The following ZMAT4 variants were observed in gnomAD, a reference collection of about 807,000 sequenced individuals.
ZMAT4 encodes zinc finger matrin-type protein 4.
Under a neutral mutation model 28.7 loss-of-function variants are expected in ZMAT4, and 17 were observed. That is an observed-to-expected ratio of 0.59 (90% confidence interval 0.41 to 0.89). ZMAT4 has a LOEUF of 0.89. Among genes scored for constraint, ZMAT4 ranks in the 40% least tolerant of loss-of-function variants. ZMAT4 has a pLI of 0.00. For synonymous variants in ZMAT4, 117 were observed against 109.2 expected (o/e 1.07, Z -0.44); for missense variants, 240 against 283.8 (o/e 0.85, Z 1.11).
At chr8:40,809,543 T>C (rs1359415159) in intron 2 of ZMAT4, among the ~76,000 whole-genome samples, 3 of 152,218 alleles carry the variant, frequency 2.0e-5, no homozygotes, top group Non-Finnish European at 4.4e-5. Flanking sequence ...GATTACAATT[T>C]AGTTAAAAGA....
chr8:40,734,455 G>T (rs981805277), intron 3 of ZMAT4, among the ~76,000 whole-genome samples: 10 of 152,212 alleles, frequency 6.6e-5, no homozygotes, highest in Non-Finnish European at 1.5e-4. Flanking sequence ...TGGAAGATTT[G>T]GGTGTAAATT....
intron 1 of ZMAT4, among the ~76,000 whole-genome samples, chr8:40,867,198 G>T (rs551788654): frequency 6.6e-6 from 1 of 152,166 alleles, no homozygotes; most frequent in Non-Finnish European, 1.5e-5. Flanking sequence ...CACATTGGAA[G>T]AATTGTCTTG....
chr8:40,811,994 G>GGTGGT (rs2150597133), intron 2 of ZMAT4, among the ~76,000 whole-genome samples: 1 of 149,896 alleles, frequency 6.7e-6, no homozygotes, highest in East Asian at 2.2e-4. Context: ...AGCCAGGCGT[G>GGTGGT]GTGGTGCGCA....
chr8:40,716,740 T>C (rs1359849117), intron 3 of ZMAT4, among the ~76,000 whole-genome samples: 3 of 152,144 alleles, frequency 2.0e-5, no homozygotes, highest in Non-Finnish European at 2.9e-5. Context: ...AGGGTCCAAA[T>C]GTCTCGCCCT....
At chr8:40,589,765 T>C (rs1804806092) in intron 5 of ZMAT4, among the ~76,000 whole-genome samples, 1 of 146,488 alleles carries the variant, frequency 6.8e-6, no homozygotes, top group African/African-American at 2.6e-5. Context: ...TCTTTCTTTT[T>C]CTTTCTTTCT....
In ZMAT4 at chr8:40,550,664, C is replaced by T. The variant is rs1020837409; in HGVS notation, c.675-18426G>A. Among the ~76,000 whole-genome samples, 18 of 152,254 alleles carry T rather than the reference C, an allele frequency of 1.2e-4. 1 individual carries two copies. The South Asian group carries it at 1.5e-3, about 12-fold the overall frequency. On this transcript the variant is annotated intron_variant, in intron 6 of 6. Transcript: ENST00000297737. ...ATCTGATGGTTTTATAAGCATCTGGCATTTCCCCTGCTTGGGGTCACTCCA... is the reference window on the plus strand; with the variant it reads ...ATCTGATGGTTTTATAAGCATCTGGTATTTCCCCTGCTTGGGGTCACTCCA...
At chr8:40,560,600 A>G (rs1180621466) in intron 6 of ZMAT4, among the ~76,000 whole-genome samples, 1 of 152,070 alleles carries the variant, frequency 6.6e-6, no homozygotes, top group Non-Finnish European at 1.5e-5. Flanking sequence ...GGCAAAATAA[A>G]GACAGAGAAG....
chr8:40,654,923 A>G (rs932585679), intron 5 of ZMAT4, among the ~76,000 whole-genome samples: 2 of 152,116 alleles, frequency 1.3e-5, no homozygotes, highest in African/African-American at 4.8e-5. Context: ...CTTCTATTCA[A>G]GATTGTGCTG....
intron 2 of ZMAT4, among the ~76,000 whole-genome samples, chr8:40,782,822 T>C (rs1563480966): frequency 6.6e-6 from 1 of 152,202 alleles, no homozygotes; most frequent in African/African-American, 2.4e-5. Context: ...TGGTCATTGG[T>C]AAAATATTCA....
chr8:40,791,054 A>T (rs952806399), intron 2 of ZMAT4, among the ~76,000 whole-genome samples: 1 of 152,272 alleles, frequency 6.6e-6, no homozygotes, highest in Admixed American at 6.5e-5. Context: ...TTCCAATAAA[A>T]GATGCTGAAG....
At chr8:40,760,287 A>G (rs866364440) in intron 3 of ZMAT4, among the ~76,000 whole-genome samples, 1 of 152,024 alleles carries the variant, frequency 6.6e-6, no homozygotes, top group African/African-American at 2.4e-5. Context: ...AGACTTCCAT[A>G]TATGATCAGT....
chr8:40,569,872 C>T (rs969227194), intron 6 of ZMAT4, among the ~76,000 whole-genome samples: 2 of 152,160 alleles, frequency 1.3e-5, no homozygotes, highest in African/African-American at 4.8e-5. Flanking sequence ...ATTTTACAGA[C>T]AACCTTCTGC....
At chr8:40,678,708 A>G (rs1257493774) in intron 4 of ZMAT4, among the ~76,000 whole-genome samples, 1 of 152,180 alleles carries the variant, frequency 6.6e-6, no homozygotes, top group Non-Finnish European at 1.5e-5. Flanking sequence ...CCCATTAGAC[A>G]CTTTTGCATT....
chr8:40,869,066 G>A (rs560338334), intron 1 of ZMAT4, among the ~76,000 whole-genome samples: 1 of 152,282 alleles, frequency 6.6e-6, no homozygotes, highest in East Asian at 1.9e-4. Context: ...TTTAGACGCT[G>A]TTCTTCATTC....
At chr8:40,870,121 G>A (rs1338848709) in intron 1 of ZMAT4, among the ~76,000 whole-genome samples, 1 of 152,156 alleles carries the variant, frequency 6.6e-6, no homozygotes, top group Admixed American at 6.5e-5. Flanking sequence ...ACCTATAAAG[G>A]AAATCTGATG....
chr8:40,842,782 A>G (rs764819947), intron 1 of ZMAT4, among the ~76,000 whole-genome samples: 2 of 152,126 alleles, frequency 1.3e-5, no homozygotes, highest in African/African-American at 2.4e-5. Flanking sequence ...TATAAAATAC[A>G]TTTAGTTTTT....
At chr8:40,877,491 G>C (rs1358616537) in intron 1 of ZMAT4, among the ~76,000 whole-genome samples, 1 of 152,164 alleles carries the variant, frequency 6.6e-6, no homozygotes, top group Non-Finnish European at 1.5e-5. Context: ...TCTGAAGACA[G>C]GAGCTAATTT....
chr8:40,567,206 T>C (rs1202348900), intron 6 of ZMAT4, among the ~76,000 whole-genome samples: 1 of 152,182 alleles, frequency 6.6e-6, no homozygotes, highest in Non-Finnish European at 1.5e-5. Flanking sequence ...AAGCGAACTT[T>C]ATAGATTTTG....
At chr8:40,689,207 C>T (rs558266339) in intron 4 of ZMAT4, among the ~76,000 whole-genome samples, 11 of 152,176 alleles carry the variant, frequency 7.2e-5, no homozygotes, top group Non-Finnish European at 1.3e-4. Context: ...AGGGCTGGAC[C>T]TCCAGCTTGT....
Sources: allele counts gnomAD v4.1 joint callset (sites outside exome capture counted in the v4.1 genomes callset), GRCh38; gene constraint gnomAD v4.1.1; transcripts MANE v1.5; gene names NCBI Gene and HGNC (gene_info 2026-07-23, HGNC 2026-07-21).